UBOX5: variants seen among roughly 807,000 people sequenced by gnomAD.
UBOX5 encodes the protein RING finger protein 37.
UBOX5 carries 28 observed loss-of-function variants against 39.0 expected under a neutral mutation model. The observed-to-expected ratio is 0.72, with a 90% confidence interval of 0.53 to 0.98. UBOX5 has a LOEUF of 0.98. Among genes scored for constraint, UBOX5 ranks in the 50% least tolerant of loss-of-function variants. The probability of loss-of-function intolerance (pLI) is 0.00; values close to 1 mark genes in which losing one functional copy is unlikely to be tolerated. For synonymous variants in UBOX5, 283 were observed against 275.5 expected, an observed-to-expected ratio of 1.03 and a Z score of -0.27; for missense variants, 585 against 674.4, an observed-to-expected ratio of 0.87 and a Z score of 1.47.
chr20:3,115,191 G>A (rs371852956), intron 4 of UBOX5, 114 bp downstream of exon 4: 88 of 1,355,492 alleles, frequency 6.5e-5, no homozygotes, highest in South Asian at 3.6e-4. Flanking sequence ...TGGAACTGAC[G>A]GGGAGGCTGG....
chr20:3,127,353 G>A (rs753844588), intron 1 of UBOX5, among the ~76,000 whole-genome samples: 2 of 152,200 alleles, frequency 1.3e-5, no homozygotes, highest in Non-Finnish European at 2.9e-5. Context: ...TGCAACATCT[G>A]AGTGGATAGT....
At chr20:3,142,772 CA>C (rs58907108) in intron 1 of UBOX5, among the ~76,000 whole-genome samples, 1,202 of 77,758 alleles carry the variant, frequency 0.015, 10 homozygotes, top group African/African-American at 0.052. Flanking sequence ...AACTCTGTCT[CA>C]AAAAAAAAAA....
chr20:3,117,197 C>G (rs1041713664), intron 3 of UBOX5, among the ~76,000 whole-genome samples: 1 of 151,762 alleles, frequency 6.6e-6, no homozygotes, highest in African/African-American at 2.4e-5. Context: ...TATTCCAATA[C>G]TATTCAATTG....
chr20:3,120,213 G>C (rs2066323228), intron 3 of UBOX5, among the ~76,000 whole-genome samples: 1 of 151,952 alleles, frequency 6.6e-6, no homozygotes, highest in Non-Finnish European at 1.5e-5. Context: ...TGGGCGTGGT[G>C]GCGCGCGTCT....
intron 1 of UBOX5, among the ~76,000 whole-genome samples, chr20:3,125,912 A>C (rs1340189367): frequency 7.2e-6 from 1 of 139,036 alleles, no homozygotes; most frequent in African/African-American, 2.7e-5. Context: ...GCCTCTGCCC[A>C]GCCGCCCCGT....
chr20:3,115,753 CT>C (rs11481933), intron 3 of UBOX5, among the ~76,000 whole-genome samples: 248 of 87,964 alleles, frequency 2.8e-3, no homozygotes, highest in African/African-American at 0.01. Context: ...CTGCACGCTC[CT>C]TTTTTTTTTT....
intron 3 of UBOX5, among the ~76,000 whole-genome samples, chr20:3,119,111 G>A (rs1190092458): frequency 6.6e-6 from 1 of 152,168 alleles, no homozygotes; most frequent in Non-Finnish European, 1.5e-5. Flanking sequence ...TACAATAGAA[G>A]TGAGGAGTGT....
At chr20:3,141,791 T>C (rs943772196) in intron 1 of UBOX5, among the ~76,000 whole-genome samples, 13 of 152,274 alleles carry the variant, frequency 8.5e-5, no homozygotes, top group African/African-American at 2.6e-4. Flanking sequence ...AGCAGGAGTA[T>C]TGCTTGAGCC....
chr20:3,111,019 C>A (rs2066249866), intron 4 of UBOX5, among the ~76,000 whole-genome samples: 1 of 152,146 alleles, frequency 6.6e-6, no homozygotes, highest in Non-Finnish European at 1.5e-5. Flanking sequence ...GGCAGCCCTG[C>A]TCCTGACTCC....
intron 1 of UBOX5, chr20:3,147,651 T>C: frequency 6.2e-7 from 1 of 1,614,208 alleles, no homozygotes; most frequent in Non-Finnish European, 8.5e-7. Flanking sequence ...AGCAGGCAGG[T>C]GGGCAGGTGT....
intron 1 of UBOX5, chr20:3,135,962 G>A (rs1406322788): frequency 6.6e-6 from 1 of 152,196 alleles, no homozygotes; most frequent in Non-Finnish European, 1.5e-5. Flanking sequence ...GGATCAGAGA[G>A]AGAAATGACA....
chr20:3,145,440 C>CTTT (rs1568480156), intron 1 of UBOX5, among the ~76,000 whole-genome samples: 2 of 142,378 alleles, frequency 1.4e-5, no homozygotes, highest in African/African-American at 2.6e-5. Context: ...GCCTTTTTTT[C>CTTT]CTTTTTTTTT....
At chr20:3,137,171 C>T (rs1442740486) in intron 1 of UBOX5, among the ~76,000 whole-genome samples, 1 of 147,420 alleles carries the variant, frequency 6.8e-6, no homozygotes, top group Non-Finnish European at 1.5e-5. Flanking sequence ...TCTCGAACTT[C>T]TGACCTCAAG....
rs758213197 is a variant in UBOX5, at chr20:3,122,534, T to G, written c.105A>C (p.Thr35=). The change falls in exon 3 of 5, where the codon ACA becomes ACC. Residue 35 remains threonine (T), a synonymous_variant. Coordinates refer to ENST00000217173, the MANE Select transcript of UBOX5 (RefSeq NM_014948.4). ...EVENLISEDL[T]KRSHGFRTEY... is the part of the protein sequence containing the mutation. ...CTGTCCTGAAACCATGACTTCTCTT[T>G]GTGAGATCTTCAGAGATGAGATTTT... The G allele has an allele frequency of 1.7e-5, 27 of 1,609,340 alleles. No homozygotes were observed. The highest frequency in any genetic ancestry group is 2.3e-5 in the Non-Finnish European group (27 of 1,177,092).
At chr20:3,141,646 C>T (rs1349713043) in intron 1 of UBOX5, among the ~76,000 whole-genome samples, 1 of 150,404 alleles carries the variant, frequency 6.6e-6, no homozygotes, top group Non-Finnish European at 1.5e-5. Flanking sequence ...AACTCCGTCT[C>T]AAAAAAATAA....
chr20:3,130,404 G>A (rs1425930826), intron 1 of UBOX5, among the ~76,000 whole-genome samples: 1 of 149,958 alleles, frequency 6.7e-6, no homozygotes, highest in Non-Finnish European at 1.5e-5. Flanking sequence ...GCTATTCACA[G>A]GTGCCATTAC....
intron 1 of UBOX5, among the ~76,000 whole-genome samples, chr20:3,143,289 G>A (rs1056934380): frequency 2.6e-5 from 4 of 151,572 alleles, no homozygotes; most frequent in Non-Finnish European, 4.4e-5. Context: ...TTTTAGTAGA[G>A]ACAGGTTTCA....
intron 4 of UBOX5, 114 bp downstream of exon 4, chr20:3,115,191 G>T (rs371852956): frequency 7.4e-7 from 1 of 1,355,492 alleles, no homozygotes; most frequent in Non-Finnish European, 9.7e-7. Context: ...TGGAACTGAC[G>T]GGGAGGCTGG....
Position 3,121,823 on chromosome 20 carries a change from CA to C in UBOX5, c.815del (p.Met272SerfsTer39), listed in dbSNP as rs1308150066. The C allele has an allele frequency of 6.2e-7, 1 of 1,614,140 alleles. No homozygotes were observed. The highest frequency in any genetic ancestry group is 8.5e-7 in the Non-Finnish European group (1 of 1,180,044). On this transcript the variant is annotated frameshift_variant, in exon 3 of 5. Coordinates refer to ENST00000217173, the MANE Select transcript of UBOX5 (RefSeq NM_014948.4). LOFTEE classifies it high-confidence loss of function. ...CTGAGGGCAGCAGCATGGGACAAGGCATGATCTCCAGGGTGATGGGATCCAG... is the reference window on the plus strand; with the variant it reads ...CTGAGGGCAGCAGCATGGGACAAGGCTGATCTCCAGGGTGATGGGATCCAG... ...EFLDPITLEI[M>X]PCPMLLPSGK...
Sources: gnomAD v4.1 joint callset for allele counts (sites outside exome capture counted in the v4.1 genomes callset) on GRCh38, gnomAD v4.1.1 for gene constraint, MANE v1.5 for transcripts, NCBI Gene and HGNC (gene_info 2026-07-23, HGNC 2026-07-21) for gene names.